Variants in CAMTA1 observed in about 807,000 individuals in gnomAD.
CAMTA1 encodes the protein calmodulin-binding transcription activator 1.
CAMTA1 carries 27 observed loss-of-function variants against 170.9 expected under a neutral mutation model. That is an observed-to-expected ratio of 0.16 (90% CI 0.12 to 0.22). The LOEUF (loss-of-function observed/expected upper bound fraction) is 0.22. Among genes scored for constraint, CAMTA1 ranks in the 10% least tolerant of loss-of-function variants. CAMTA1 has a pLI of 1.00. For synonymous variants in CAMTA1, 833 were observed against 891.5 expected (o/e 0.93, Z 1.17); for missense variants, 1,619 against 2,217.2 (o/e 0.73, Z 5.42).
chr1:6,803,888 T>A (rs1037534861), intron 1 of CAMTA1, among the ~76,000 whole-genome samples: 8 of 145,988 alleles, frequency 5.5e-5, no homozygotes, highest in African/African-American at 1.5e-4. Flanking sequence ...CTGATTAAAA[T>A]TTTTTTTTTT....
Position 7,325,624 on chromosome 1 carries a change from A to G in CAMTA1, c.438+75998A>G, listed in dbSNP as rs1490491090. ...TTTCCTAATGGAACAGAGATGGGGT[A>G]GAGTCAAGCTTTTTTCTGCATGTTT... On this transcript the variant is annotated intron_variant, in intron 5 of 22. Transcript: ENST00000303635. This position sits in a 1 kb window ranked among gnomAD's most constrained non-coding sequence, Gnocchi z 5.0. Among the ~76,000 whole-genome samples the G allele has an allele frequency of 6.6e-6, 1 of 152,218 alleles. No individual in the cohort carries two copies. Among genetic ancestry groups the G allele is most frequent in the Non-Finnish European group, 1.5e-5 (1 of 68,042 alleles).
intron 3 of CAMTA1, among the ~76,000 whole-genome samples, chr1:7,016,234 G>T (rs576332240): frequency 6.6e-6 from 1 of 152,306 alleles, no homozygotes; most frequent in South Asian, 2.1e-4. Flanking sequence ...CTGAGTTGGT[G>T]TATGTGTCAA....
At chr1:6,927,120 G>T (rs1174880463) in intron 3 of CAMTA1, among the ~76,000 whole-genome samples, 1 of 151,680 alleles carries the variant, frequency 6.6e-6, no homozygotes, top group Non-Finnish European at 1.5e-5. Flanking sequence ...AAACTCTAGG[G>T]CTCAGGTGAT....
At chr1:7,466,542 G>T (rs1373263724) in intron 5 of CAMTA1, among the ~76,000 whole-genome samples, 1 of 152,216 alleles carries the variant, frequency 6.6e-6, no homozygotes, top group Non-Finnish European at 1.5e-5. Flanking sequence ...AATAGCTGAT[G>T]AAAGCTTTAA....
rs547047007 is a variant in CAMTA1, at chr1:6,813,063, C to A, written c.46-7118C>A. Among the ~76,000 whole-genome samples, 8 of 152,292 alleles carry A rather than the reference C, an allele frequency of 5.3e-5. No individual in the cohort carries two copies. The South Asian group carries it at 1.7e-3, about 32-fold the overall frequency. On this transcript the variant is annotated intron_variant, in intron 1 of 22. Coordinates refer to ENST00000303635, the MANE Select transcript of CAMTA1 (RefSeq NM_015215.4). Reference sequence around the variant, plus strand: ...CTTGACTGTATACTTTAATTTTTGTCTCTATCCCATGGGGGAGTTGTGAGG... The same window carrying A: ...CTTGACTGTATACTTTAATTTTTGTATCTATCCCATGGGGGAGTTGTGAGG...
intron 5 of CAMTA1, among the ~76,000 whole-genome samples, chr1:7,283,923 G>A (rs945449521): frequency 2.0e-5 from 3 of 152,114 alleles, no homozygotes; most frequent in African/African-American, 7.2e-5. Context: ...CGTTCTTAGG[G>A]TGAGATTTGT....
chr1:7,495,876 A>G (rs1458580684), intron 6 of CAMTA1, among the ~76,000 whole-genome samples: 2 of 152,186 alleles, frequency 1.3e-5, no homozygotes, highest in Non-Finnish European at 2.9e-5. Context: ...CGCCCAGGAA[A>G]GCCTGCGAGT....
intron 11 of CAMTA1, among the ~76,000 whole-genome samples, chr1:7,722,207 T>G (rs1393924847): frequency 6.6e-6 from 1 of 152,214 alleles, no homozygotes; most frequent in African/African-American, 2.4e-5. Flanking sequence ...GAACACACTG[T>G]GGGTGTCTGA....
intron 11 of CAMTA1, among the ~76,000 whole-genome samples, chr1:7,695,720 G>T (rs553694282): frequency 6.6e-6 from 1 of 152,250 alleles, no homozygotes; most frequent in South Asian, 2.1e-4. Flanking sequence ...GTGCCAAAGA[G>T]AGATCAGCAG....
chr1:7,428,699 C>T (rs1416349742), intron 5 of CAMTA1, among the ~76,000 whole-genome samples: 1 of 152,176 alleles, frequency 6.6e-6, no homozygotes, highest in Non-Finnish European at 1.5e-5. Context: ...ATCCCCTCTC[C>T]CTCATCCATC....
intron 21 of CAMTA1, 111 bp downstream of exon 21, chr1:7,752,644 G>C (rs2096905408): frequency 2.5e-6 from 2 of 814,488 alleles, no homozygotes; most frequent in Admixed American, 3.2e-5. Context: ...CAGATAATCA[G>C]GGCAGACGTC....
chr1:6,895,066 C>T (rs951494651), intron 3 of CAMTA1, among the ~76,000 whole-genome samples: 1 of 152,104 alleles, frequency 6.6e-6, no homozygotes, highest in Non-Finnish European at 1.5e-5. Context: ...CTGAACTCAC[C>T]CACCTTTCAT....
intron 3 of CAMTA1, among the ~76,000 whole-genome samples, chr1:6,996,560 C>T (rs1171160893): frequency 6.6e-6 from 1 of 152,094 alleles, no homozygotes; most frequent in Non-Finnish European, 1.5e-5. Context: ...CTTTCATTTT[C>T]TAGCTGCTGT....
At chr1:7,731,608 G>C (rs1425999233) in intron 11 of CAMTA1, among the ~76,000 whole-genome samples, 2 of 151,154 alleles carry the variant, frequency 1.3e-5, no homozygotes, top group African/African-American at 4.9e-5. Flanking sequence ...AAATGTGGCT[G>C]AGTACGGTGG....
Position 7,488,859 on chromosome 1 carries a change from A to G in CAMTA1, c.510+20958A>G, listed in dbSNP as rs556410488. 8.5e-5 allele frequency among the ~76,000 whole-genome samples: 13 copies of G among 152,298 alleles called. No homozygotes were observed. In the East Asian group the frequency reaches 2.3e-3, roughly 27 times the overall value. On this transcript the variant is annotated intron_variant, in intron 6 of 22. Coordinates refer to ENST00000303635, the MANE Select transcript of CAMTA1 (RefSeq NM_015215.4). ...ATATGCACATGATATACACATACAT[A>G]TATACACACAATACACATTGCAGAC...
chr1:7,116,129 T>C (rs1644315013), intron 4 of CAMTA1, among the ~76,000 whole-genome samples: 1 of 152,314 alleles, frequency 6.6e-6, no homozygotes, highest in East Asian at 1.9e-4. Flanking sequence ...ATTAACTTTA[T>C]GGGTTTTCCC....
chr1:7,481,110 C>T (rs2093525810), intron 6 of CAMTA1, among the ~76,000 whole-genome samples: 1 of 152,160 alleles, frequency 6.6e-6, no homozygotes, highest in Non-Finnish European at 1.5e-5. Context: ...TTCTGCTTCC[C>T]AACCCTAAGC....
intron 11 of CAMTA1, among the ~76,000 whole-genome samples, chr1:7,720,927 G>GTT (rs1475668123): frequency 6.6e-6 from 1 of 152,166 alleles, no homozygotes; most frequent in Non-Finnish European, 1.5e-5. Flanking sequence ...CCCTGGACAG[G>GTT]TGATAAAGCT....
In CAMTA1 at chr1:7,096,653, G is replaced by A. The variant is rs181254222; in HGVS notation, c.302+5282G>A. ...CTGCATCTCATTAGCCACCAACTCC[G>A]TCAGTGTTTCCGACTGTAATTCACA... On this transcript the variant is annotated intron_variant, in intron 4 of 22. Coordinates refer to ENST00000303635, the MANE Select transcript of CAMTA1 (RefSeq NM_015215.4). 6.6e-5 allele frequency among the ~76,000 whole-genome samples: 10 copies of A among 152,258 alleles called. 1 individual carries two copies. The South Asian group carries it at 8.3e-4, about 13-fold the overall frequency.
Sources: allele counts gnomAD v4.1 joint callset (sites outside exome capture counted in the v4.1 genomes callset), GRCh38; gene constraint gnomAD v4.1.1; non-coding constraint Gnocchi (gnomAD v3.1); transcripts MANE v1.5; gene names NCBI Gene and HGNC (gene_info 2026-07-23, HGNC 2026-07-21).